The following STARD9 variants were observed in gnomAD, a reference collection of about 807,000 sequenced individuals.
The protein encoded by STARD9 is stAR-related lipid transfer protein 9.
Under a neutral mutation model 399.8 loss-of-function variants are expected in STARD9, and 346 were observed. The ratio of observed to expected loss-of-function variants is 0.87; its 90% CI spans 0.79 to 0.95. The LOEUF (loss-of-function observed/expected upper bound fraction) is 0.95. Among genes scored for constraint, STARD9 ranks in the 40% least tolerant of loss-of-function variants. The pLI, the probability that STARD9 is intolerant of heterozygous loss-of-function variation, is 0.00. For synonymous variants in STARD9, 2,203 were observed against 2,143.5 expected, an observed-to-expected ratio of 1.03 and a Z score of -0.77; for missense variants, 5,832 against 5,667.5, an observed-to-expected ratio of 1.03 and a Z score of -0.93.
chr15:42,712,077 T>TA (rs1425329583), intron 26 of STARD9, among the ~76,000 whole-genome samples: 2 of 42,836 alleles, frequency 4.7e-5, no homozygotes, highest in Non-Finnish European at 6.4e-5. Context: ...TATATATATA[T>TA]ATATTATATA....
In STARD9 at chr15:42,667,011, C is replaced by T. The variant is rs149026782; in HGVS notation, c.1317+1163C>T. Among the ~76,000 whole-genome samples the T allele has an allele frequency of 1.3e-3, 201 of 152,110 alleles. 2 individuals are homozygous for T. Among genetic ancestry groups the T allele is most frequent in the African/African-American group, 4.2e-3 (176 of 41,490 alleles). Reference sequence around the variant, plus strand: ...TGCGTTTTTAGTAGAGACGGGGTTTCACCACATTGGCCAGGCTGGTGTCAA... The same window carrying T: ...TGCGTTTTTAGTAGAGACGGGGTTTTACCACATTGGCCAGGCTGGTGTCAA... On this transcript the variant is annotated intron_variant, in intron 15 of 32. Transcript: ENST00000290607.
At chr15:42,625,660 T>TTTTTTTTTTG (rs2059191131) in intron 3 of STARD9, among the ~76,000 whole-genome samples, 1 of 150,842 alleles carries the variant, frequency 6.6e-6, no homozygotes, top group South Asian at 2.1e-4. Flanking sequence ...TTTTTTTTTT[T>TTTTTTTTTTG]TTAGGTAGAT....
intron 3 of STARD9, among the ~76,000 whole-genome samples, chr15:42,586,920 T>G (rs1209618453): frequency 6.6e-6 from 1 of 151,918 alleles, no homozygotes; most frequent in Non-Finnish European, 1.5e-5. Context: ...AGTGGCATGA[T>G]CTCAGCTCAC....
intron 7 of STARD9, among the ~76,000 whole-genome samples, chr15:42,650,129 C>T (rs1566903775): frequency 6.6e-6 from 1 of 152,132 alleles, no homozygotes; most frequent in African/African-American, 2.4e-5. Context: ...TCCCAAAGTG[C>T]TGGGATTACA....
Position 42,664,063 on chromosome 15 carries a change from G to A in STARD9, c.1176+146G>A, listed in dbSNP as rs146255515. ...TGATGAGGGAGTAGAATTCTTTCTT[G>A]TACTGTCATCTCCTTCTTTCCTATC... On this transcript the variant is annotated intron_variant, in intron 13 of 32. Coordinates refer to ENST00000290607, the MANE Select transcript of STARD9 (RefSeq NM_020759.3). 2.6e-5 allele frequency: 16 copies of A among 616,806 alleles called. No homozygotes were observed. In the East Asian group the frequency reaches 3.9e-4, roughly 15 times the overall value. The allele number at this position is 616,806 out of a possible 1,614,324, so 38.2% of individuals were successfully genotyped here. A position where few individuals can be genotyped will look rare whatever the true frequency, so the allele number is the denominator to read the frequency against.
chr15:42,589,581 C>T (rs1158665837), intron 3 of STARD9, among the ~76,000 whole-genome samples: 1 of 151,054 alleles, frequency 6.6e-6, no homozygotes, highest in African/African-American at 2.4e-5. Context: ...GCTTCTTTCA[C>T]TTTGCGTGAT....
At chr15:42,641,475 C>A (rs2059536015) in intron 7 of STARD9, among the ~76,000 whole-genome samples, 1 of 152,082 alleles carries the variant, frequency 6.6e-6, no homozygotes, top group South Asian at 2.1e-4. Flanking sequence ...ATTAACTCTT[C>A]ATTTACATCG....
intron 4 of STARD9, among the ~76,000 whole-genome samples, chr15:42,636,928 G>A (rs1421964761): frequency 6.6e-6 from 1 of 151,990 alleles, no homozygotes; most frequent in Non-Finnish European, 1.5e-5. Flanking sequence ...GCCAGGTGTG[G>A]TGGTGGGTGC....
chr15:42,606,740 G>A (rs758216584), intron 3 of STARD9, among the ~76,000 whole-genome samples: 2 of 151,918 alleles, frequency 1.3e-5, no homozygotes, highest in Non-Finnish European at 2.9e-5. Context: ...GGGATTACAG[G>A]TGTAAGCCAC....
intron 3 of STARD9, among the ~76,000 whole-genome samples, chr15:42,602,704 A>T (rs2058651914): frequency 6.6e-6 from 1 of 152,188 alleles, no homozygotes; most frequent in African/African-American, 2.4e-5. Flanking sequence ...GTGCAAACAG[A>T]GGTTAGGGTG....
intron 6 of STARD9, 107 bp from the exon 7 acceptor site, chr15:42,638,593 C>T (rs1048429161): frequency 2.9e-6 from 2 of 688,798 alleles, no homozygotes; most frequent in Non-Finnish European, 4.8e-6. Context: ...CTTAGAGTGT[C>T]AGAAGTGGAG....
chr15:42,653,763 A>G (rs1275265051), intron 9 of STARD9, among the ~76,000 whole-genome samples: 1 of 152,196 alleles, frequency 6.6e-6, no homozygotes, highest in African/African-American at 2.4e-5. Context: ...TCTTAAATCT[A>G]TAGGAGACAG....
chr15:42,604,140 T>C (rs557979952), intron 3 of STARD9, among the ~76,000 whole-genome samples: 2 of 152,316 alleles, frequency 1.3e-5, no homozygotes, highest in Admixed American at 1.3e-4. Flanking sequence ...AGGTTAGAAG[T>C]AAGATGGAGT....
rs1194707089 is a variant in STARD9 at position 42,579,763 on chromosome 15, C to T, written c.48-3583C>T. ...ACATTCTGAAAATCAACTTCAAACT[C>T]AAAACATAAGAAACTGCAATCTGAG... On this transcript the variant is annotated intron_variant, in intron 1 of 32. Coordinates refer to ENST00000290607, the MANE Select transcript of STARD9 (RefSeq NM_020759.3). Among the ~76,000 whole-genome samples, 5 of 152,176 alleles carry T rather than the reference C, an allele frequency of 3.3e-5. No individual in the cohort carries two copies. In the East Asian group the frequency reaches 9.7e-4, roughly 29 times the overall value.
At chr15:42,716,597 T>C in intron 26 of STARD9, 80 bp from the exon 27 acceptor site, 3 of 874,524 alleles carry the variant, frequency 3.4e-6, no homozygotes, top group Non-Finnish European at 5.5e-6. Flanking sequence ...CACTGGAAGC[T>C]GTGAGATGCA....
chr15:42,682,511 T>C lies in STARD9; in HGVS notation c.2473T>C (p.Leu825=), dbSNP rs1055995369. 1.8e-5 allele frequency: 27 copies of C among 1,537,008 alleles called. No individual in the cohort carries two copies. Among genetic ancestry groups the C allele is most frequent in the East Asian group, 2.4e-5 (1 of 40,924 alleles). The change falls in exon 22 of 33, where the codon TTG becomes CTG. Residue 825 remains leucine (L), a synonymous_variant. Transcript: ENST00000290607. ...TVPRPPCRSK[L]TSCSSLSPQR... ...CCCACGGCCTCCATGTAGAAGCAAA[T>C]TGACGAGTTGCAGTTCTTTGAGCCC... is the stretch of plus-strand genomic sequence containing the variant.
Position 42,719,633 on chromosome 15 carries a change from C to T in STARD9, c.*59C>T, listed in dbSNP as rs943620882. ...AGGCCCAGGCTGCTCAAGAGAGACACTGTGGCAGCTCCTTGTTACTTTCCA... is the reference window on the plus strand; with the variant it reads ...AGGCCCAGGCTGCTCAAGAGAGACATTGTGGCAGCTCCTTGTTACTTTCCA... On this transcript the variant is annotated 3_prime_UTR_variant, in exon 33 of 33. Coordinates refer to ENST00000290607, the MANE Select transcript of STARD9 (RefSeq NM_020759.3). The T allele has an allele frequency of 9.1e-7, 1 of 1,093,074 alleles. No individual in the cohort carries two copies. Among genetic ancestry groups the T allele is most frequent in the African/African-American group, 1.6e-5 (1 of 63,840 alleles). 67.7% of individuals were successfully genotyped at this position (1,093,074 alleles called of 1,614,324 possible).
chr15:42,694,402 C>T, intron 23 of STARD9, 60 bp downstream of exon 23: 1 of 1,531,978 alleles, frequency 6.5e-7, no homozygotes, highest in East Asian at 2.4e-5. Context: ...AAAGAGAACC[C>T]AAGAAAGCTA....
At chr15:42,602,686 A>T (rs1043733637) in intron 3 of STARD9, among the ~76,000 whole-genome samples, 9 of 152,218 alleles carry the variant, frequency 5.9e-5, no homozygotes, top group Non-Finnish European at 1.2e-4. Flanking sequence ...TGCAAAAGTC[A>T]CACTGCTGTG....
Sources: allele counts gnomAD v4.1 joint callset (sites outside exome capture counted in the v4.1 genomes callset), GRCh38; gene constraint gnomAD v4.1.1; transcripts MANE v1.5; gene names NCBI Gene and HGNC (gene_info 2026-07-23, HGNC 2026-07-21).